The following APOBEC2 variants were observed in gnomAD, a reference collection of about 807,000 sequenced individuals.
The protein encoded by APOBEC2 is C->U-editing enzyme APOBEC-2.
APOBEC2 carries 14 observed loss-of-function variants against 19.4 expected under a neutral mutation model. The observed-to-expected ratio is 0.72, with a 90% CI of 0.48 to 1.13. The LOEUF is 1.13. Ranked by LOEUF, APOBEC2 falls within the 50% of genes most tolerant of loss-of-function variation. The pLI is 0.00. For missense variants in APOBEC2, 304 were observed against 277.0 expected, an observed-to-expected ratio of 1.10 and a Z score of -0.69; for synonymous variants, 127 against 112.1, an observed-to-expected ratio of 1.13 and a Z score of -0.84.
intron 1 of APOBEC2, 58 bp downstream of exon 1, chr6:41,053,536 G>T: frequency 1.3e-6 from 2 of 1,597,370 alleles, no homozygotes; most frequent in African/African-American, 1.3e-5. Context: ...CCTTGGGTTA[G>T]GCTGTGGAAA....
intron 1 of APOBEC2, among the ~76,000 whole-genome samples, chr6:41,058,642 G>A (rs1462465420): frequency 1.3e-5 from 2 of 152,124 alleles, no homozygotes; most frequent in African/African-American, 2.4e-5. Flanking sequence ...GCCCAAGATG[G>A]CCATGTTGTC....
chr6:41,057,404 T>C (rs2114026984), intron 1 of APOBEC2, among the ~76,000 whole-genome samples: 1 of 152,238 alleles, frequency 6.6e-6, no homozygotes, highest in East Asian at 1.9e-4. Flanking sequence ...GTGAAGACCA[T>C]GCCTACCAGG....
Position 41,053,239 on chromosome 6 carries a change from C to T in APOBEC2, c.-109C>T, listed in dbSNP as rs902971460. 5 of 1,445,150 alleles carry T rather than the reference C, an allele frequency of 3.5e-6. No individual in the cohort carries two copies. The Admixed American group carries it at 1.1e-4, about 31-fold the overall frequency. 89.5% of individuals were successfully genotyped at this position (1,445,150 alleles called of 1,614,324 possible). On this transcript the variant is annotated 5_prime_UTR_variant, in exon 1 of 3. Coordinates refer to ENST00000244669, the MANE Select transcript of APOBEC2 (RefSeq NM_006789.4). Reference sequence around the variant, plus strand: ...TGCTGGGTCCTTTTCCCGTCATCCCCAGCCAGATTTAGCTGCTGACAGCTG... The same window carrying T: ...TGCTGGGTCCTTTTCCCGTCATCCCTAGCCAGATTTAGCTGCTGACAGCTG...
chr6:41,061,509 A>G lies in APOBEC2; in HGVS notation c.313A>G (p.Asn105Asp), dbSNP rs1307876086. Residue 105 changes from asparagine (N) to aspartate (D), a missense_variant, in exon 2 of 3, where the codon AAC (asparagine) becomes GAC (aspartate). Coordinates refer to ENST00000244669, the MANE Select transcript of APOBEC2 (RefSeq NM_006789.4). Reference protein sequence around the residue: ...AAAHAEEAFFNTILPAFDPAL... With the variant: ...AAAHAEEAFFDTILPAFDPAL... ...TGCCCATGCAGAGGAAGCTTTCTTC[A>G]ACACCATCCTGCCAGCCTTCGACCC... 3 of 1,613,932 alleles carry G rather than the reference A, an allele frequency of 1.9e-6. No homozygotes were observed. Among genetic ancestry groups the G allele is most frequent in the Admixed American group, 1.7e-5 (1 of 60,008 alleles).
chr6:41,061,507 T>C lies in APOBEC2; in HGVS notation c.311T>C (p.Phe104Ser). Residue 104 changes from phenylalanine to serine, a missense_variant, in exon 2 of 3, where the codon TTC (phenylalanine) becomes TCC (serine). Coordinates refer to ENST00000244669, the MANE Select transcript of APOBEC2 (RefSeq NM_006789.4). ...GCTGCCCATGCAGAGGAAGCTTTCTTCAACACCATCCTGCCAGCCTTCGAC... is the reference window on the plus strand; with the variant it reads ...GCTGCCCATGCAGAGGAAGCTTTCTCCAACACCATCCTGCCAGCCTTCGAC... ...HAAAHAEEAF[F>S]NTILPAFDPA... 1 of 1,614,034 alleles carries C rather than the reference T, an allele frequency of 6.2e-7. No homozygotes were observed.
intron 1 of APOBEC2, 107 bp downstream of exon 1, chr6:41,053,585 C>G: frequency 6.6e-7 from 1 of 1,516,442 alleles, no homozygotes. Flanking sequence ...ACAGCTACAA[C>G]CCTGCAGCAG....
intron 2 of APOBEC2, among the ~76,000 whole-genome samples, chr6:41,063,380 A>C (rs575492930): frequency 6.8e-4 from 103 of 152,244 alleles, no homozygotes; most frequent in Middle Eastern, 6.8e-3. Context: ...AATTCCTTGA[A>C]GATTTTGTTA....
intron 1 of APOBEC2, among the ~76,000 whole-genome samples, chr6:41,057,628 G>A (rs780112976): frequency 3.3e-5 from 5 of 152,096 alleles, no homozygotes; most frequent in Non-Finnish European, 7.3e-5. Flanking sequence ...CCTCTTTCAC[G>A]CCAGTCACCA....
Position 41,053,402 on chromosome 6 carries a change from G to A in APOBEC2, c.55G>A (p.Glu19Lys), listed in dbSNP as rs552085643. 3 of 1,614,052 alleles carry A rather than the reference G, an allele frequency of 1.9e-6. No individual in the cohort carries two copies. Among genetic ancestry groups the A allele is most frequent in the Non-Finnish European group, 2.5e-6 (3 of 1,180,040 alleles). The change falls in exon 1 of 3, where the codon GAG becomes AAG. Residue 19 changes from glutamate to lysine, a missense_variant. By Grantham distance (56) the Glu-to-Lys change is moderately conservative. Coordinates refer to ENST00000244669, the MANE Select transcript of APOBEC2 (RefSeq NM_006789.4). ...CACTGAGGCTGCCTCCCAGAATGGG[G>A]AGGATCTGGAGAACCTGGACGACCC... ...VATEAASQNG[E>K]DLENLDDPEK... is the part of the protein sequence containing the mutation.
chr6:41,058,252 GACCACCACCCACC>G, intron 1 of APOBEC2, among the ~76,000 whole-genome samples: 1 of 124,428 alleles, frequency 8.0e-6, no homozygotes, highest in East Asian at 2.4e-4. Flanking sequence ...TCTCTCTACT[GACCACCACCCACC>G]ACCACCACCC....
chr6:41,056,249 G>A (rs528379331), intron 1 of APOBEC2, among the ~76,000 whole-genome samples: 1 of 152,134 alleles, frequency 6.6e-6, no homozygotes, highest in Non-Finnish European at 1.5e-5. Context: ...AGCCTCCCAA[G>A]TAGCTAAGAC....
At chr6:41,054,544 A>C (rs987659016) in intron 1 of APOBEC2, among the ~76,000 whole-genome samples, 4 of 152,316 alleles carry the variant, frequency 2.6e-5, no homozygotes, top group African/African-American at 9.6e-5. Context: ...TAACATGAAG[A>C]TCTATAGTAG....
chr6:41,059,244 TG>T (rs1352379221), intron 1 of APOBEC2, among the ~76,000 whole-genome samples: 1 of 152,216 alleles, frequency 6.6e-6, no homozygotes, highest in African/African-American at 2.4e-5. Context: ...CCAAGCTATT[TG>T]AGTAGCCATG....
intron 1 of APOBEC2, among the ~76,000 whole-genome samples, chr6:41,060,874 A>G (rs1273777153): frequency 6.6e-6 from 1 of 152,222 alleles, no homozygotes; most frequent in Non-Finnish European, 1.5e-5. Context: ...CTGGCCACTT[A>G]TTGGAATCAT....
At chr6:41,061,220 G>T in intron 1 of APOBEC2, 108 bp from the exon 2 acceptor site, 2 of 567,094 alleles carry the variant, frequency 3.5e-6, no homozygotes, top group Non-Finnish European at 5.5e-6. Context: ...TATAGTAAGA[G>T]TGAATGCATT....
At chr6:41,056,458 G>A (rs995388806) in intron 1 of APOBEC2, among the ~76,000 whole-genome samples, 5 of 152,220 alleles carry the variant, frequency 3.3e-5, no homozygotes, top group Non-Finnish European at 5.9e-5. Flanking sequence ...AACCTTAGAA[G>A]TTAGATTACT....
chr6:41,055,028 A>G (rs1247124577), intron 1 of APOBEC2, among the ~76,000 whole-genome samples: 6 of 152,214 alleles, frequency 3.9e-5, no homozygotes, highest in African/African-American at 1.4e-4. Flanking sequence ...TAATCACAAC[A>G]TAGTTTCATG....
chr6:41,058,404 C>T (rs1171454663), intron 1 of APOBEC2, among the ~76,000 whole-genome samples: 1 of 60,616 alleles, frequency 1.6e-5, no homozygotes, highest in Non-Finnish European at 3.4e-5. Flanking sequence ...CCCCACCACA[C>T]ACACACACAC....
chr6:41,058,008 T>G (rs140490078), intron 1 of APOBEC2, among the ~76,000 whole-genome samples: 17 of 152,270 alleles, frequency 1.1e-4, no homozygotes, highest in Admixed American at 1.1e-3. Flanking sequence ...GAAATGGTGC[T>G]TAACAAGGTG....
Sources: allele counts gnomAD v4.1 joint callset (sites outside exome capture counted in the v4.1 genomes callset), GRCh38; gene constraint gnomAD v4.1.1; transcripts MANE v1.5; gene names NCBI Gene and HGNC (gene_info 2026-07-23, HGNC 2026-07-21).